Variants in ATP10B observed in about 807,000 individuals in gnomAD.
The protein encoded by ATP10B is phospholipid-transporting ATPase VB.
Under a neutral mutation model 141.2 loss-of-function variants are expected in ATP10B, and 122 were observed. The observed-to-expected ratio is 0.86, with a 90% confidence interval of 0.75 to 1.00. ATP10B has a LOEUF of 1.00. ATP10B is among the 50% of genes least tolerant of loss of function. ATP10B has a pLI of 0.00. For synonymous variants in ATP10B, 685 were observed against 692.0 expected (o/e 0.99, Z 0.16); for missense variants, 1,876 against 1,825.3 (o/e 1.03, Z -0.51).
chr5:160,827,285 T>G (rs571215035), intron 1 of ATP10B, among the ~76,000 whole-genome samples: 30 of 152,308 alleles, frequency 2.0e-4, no homozygotes, highest in Admixed American at 8.5e-4. Flanking sequence ...GGGGGCAGGT[T>G]CCCCTGATAC....
chr5:160,647,421 G>A (rs1197765526), intron 8 of ATP10B, among the ~76,000 whole-genome samples: 1 of 152,178 alleles, frequency 6.6e-6, no homozygotes, highest in Non-Finnish European at 1.5e-5. Flanking sequence ...ACTCATCCAT[G>A]AGGCCCAGTC....
intron 1 of ATP10B, among the ~76,000 whole-genome samples, chr5:160,817,445 G>C (rs1383608224): frequency 6.6e-6 from 1 of 152,070 alleles, no homozygotes; most frequent in African/African-American, 2.4e-5. Flanking sequence ...AACTTACAAG[G>C]GACATGAAGG....
At chr5:160,787,424 A>T (rs1414635695) in intron 1 of ATP10B, among the ~76,000 whole-genome samples, 1 of 152,076 alleles carries the variant, frequency 6.6e-6, no homozygotes, top group African/African-American at 2.4e-5. Flanking sequence ...ATTGTTGGCT[A>T]AGCCAACTGA....
intron 1 of ATP10B, among the ~76,000 whole-genome samples, chr5:160,800,724 A>G (rs1477700620): frequency 6.6e-6 from 1 of 152,242 alleles, no homozygotes; most frequent in Non-Finnish European, 1.5e-5. Flanking sequence ...GATTCCACAG[A>G]GATAGGCCAT....
chr5:160,797,258 G>T (rs10053013), intron 1 of ATP10B, among the ~76,000 whole-genome samples: 66,977 of 151,906 alleles, frequency 0.44, 14,860 homozygotes, highest in East Asian at 0.6. Flanking sequence ...ATACAGCAAG[G>T]GCCCTGGAGG....
the ATP10B span, among the ~76,000 whole-genome samples, chr5:160,890,276 GT>G: frequency 6.6e-6 from 1 of 152,000 alleles, no homozygotes; most frequent in South Asian, 2.1e-4. Context: ...ACCCTGCTGA[GT>G]TTTTTTTGTA....
At chr5:160,735,067 A>G (rs1767013205) in intron 2 of ATP10B, among the ~76,000 whole-genome samples, 1 of 151,620 alleles carries the variant, frequency 6.6e-6, no homozygotes, top group South Asian at 2.1e-4. Flanking sequence ...AAAGGAAGAC[A>G]GGAAAGAAAG....
At chr5:160,738,948 T>G (rs774918058) in intron 2 of ATP10B, among the ~76,000 whole-genome samples, 16 of 152,172 alleles carry the variant, frequency 1.1e-4, no homozygotes, top group Non-Finnish European at 2.1e-4. Flanking sequence ...CAATGTACCT[T>G]ATGAATGTAG....
chr5:160,662,892 AC>A (rs1226842122), intron 7 of ATP10B, among the ~76,000 whole-genome samples: 4 of 152,198 alleles, frequency 2.6e-5, no homozygotes, highest in African/African-American at 9.7e-5. Context: ...TTTGCAATCT[AC>A]CCATCTGACA....
chr5:160,855,698 T>C (rs1013760180), upstream of ATP10B, among the ~76,000 whole-genome samples: 5 of 151,930 alleles, frequency 3.3e-5, no homozygotes, highest in African/African-American at 1.2e-4. Context: ...TTATCCTATT[T>C]CTCTAAAAAT....
chr5:160,823,035 T>TATATATAA (rs1554121614), intron 1 of ATP10B, among the ~76,000 whole-genome samples: 1 of 111,960 alleles, frequency 8.9e-6, no homozygotes, highest in Non-Finnish European at 1.9e-5. Flanking sequence ...TATATATATA[T>TATATATAA]AAAATAAAGA....
chr5:160,844,540 T>C (rs1489235862), intron 1 of ATP10B, among the ~76,000 whole-genome samples: 1 of 151,888 alleles, frequency 6.6e-6, no homozygotes, highest in East Asian at 1.9e-4. Context: ...AATAACTTAA[T>C]AAATACTTTG....
chr5:160,869,488 G>T, the ATP10B span, among the ~76,000 whole-genome samples: 1 of 151,808 alleles, frequency 6.6e-6, no homozygotes, highest in Non-Finnish European at 1.5e-5. Flanking sequence ...GAAAAAAAAA[G>T]TCTTAGAATG....
At chr5:160,687,432 ATC>A (rs1391182236) in intron 5 of ATP10B, among the ~76,000 whole-genome samples, 2 of 152,210 alleles carry the variant, frequency 1.3e-5, no homozygotes, top group Admixed American at 6.5e-5. Flanking sequence ...AGAGGGTAGC[ATC>A]TCTGAGTTTA....
At chr5:160,573,992 A>C (rs537216271) in intron 24 of ATP10B, among the ~76,000 whole-genome samples, 42 of 152,346 alleles carry the variant, frequency 2.8e-4, no homozygotes, top group African/African-American at 9.6e-4. Flanking sequence ...TTGTGCCAAA[A>C]AAATGAGTAC....
chr5:160,649,488 G>A (rs1252581407), intron 7 of ATP10B, among the ~76,000 whole-genome samples: 1 of 152,198 alleles, frequency 6.6e-6, no homozygotes, highest in Non-Finnish European at 1.5e-5. Flanking sequence ...TACCCTGATT[G>A]CATTTCTCTG....
At chr5:160,670,818 C>A in intron 6 of ATP10B, 151 bp from the exon 7 acceptor site, 1 of 657,524 alleles carries the variant, frequency 1.5e-6, no homozygotes, top group Non-Finnish European at 2.6e-6. Flanking sequence ...CCTGAATGAC[C>A]ACCTCATAAT....
chr5:160,684,579 G>A (rs1049278071), intron 6 of ATP10B, among the ~76,000 whole-genome samples: 8 of 152,194 alleles, frequency 5.3e-5, no homozygotes, highest in Non-Finnish European at 8.8e-5. Context: ...ATGCAAAACT[G>A]TTAAATGTTA....
chr5:160,794,982 C>T (rs141036168), intron 1 of ATP10B, among the ~76,000 whole-genome samples: 369 of 152,272 alleles, frequency 2.4e-3, no homozygotes, highest in Non-Finnish European at 4.3e-3. Context: ...GTCTCCCCAG[C>T]ACTATGCACA....
Sources: allele counts gnomAD v4.1 joint callset (sites outside exome capture counted in the v4.1 genomes callset), GRCh38; gene constraint gnomAD v4.1.1; transcripts MANE v1.5; gene names NCBI Gene and HGNC (gene_info 2026-07-23, HGNC 2026-07-21).